The following RBFOX1 variants were observed in gnomAD, a reference collection of about 807,000 sequenced individuals.
RBFOX1 encodes RNA binding protein fox-1 homolog 1.
A neutral mutation model predicts 57.7 loss-of-function variants in RBFOX1; 8 were observed. The observed-to-expected ratio is 0.14, with a 90% CI of 0.08 to 0.25. The LOEUF (loss-of-function observed/expected upper bound fraction) is 0.25. Ranked by LOEUF, RBFOX1 falls within the 10% of genes least tolerant of loss-of-function variation. RBFOX1 has a pLI of 1.00. For synonymous variants in RBFOX1, 326 were observed against 222.4 expected, an observed-to-expected ratio of 1.47 and a Z score of -4.15; for missense variants, 611 against 548.5, an observed-to-expected ratio of 1.11 and a Z score of -1.14.
intron 4 of RBFOX1, among the ~76,000 whole-genome samples, chr16:7,458,141 A>C (rs6500970): frequency 1 from 152,290 of 152,290 alleles, 76,145 homozygotes; most frequent in Non-Finnish European, 1. Flanking sequence ...CTCACTGGAC[A>C]TTTTCTCATG....
chr16:6,894,162 C>T (rs1000609800), intron 3 of RBFOX1, among the ~76,000 whole-genome samples: 2 of 152,202 alleles, frequency 1.3e-5, no homozygotes, highest in African/African-American at 2.4e-5. Flanking sequence ...TGCTACCTAT[C>T]TCTTGTCTGT....
intron 3 of RBFOX1, among the ~76,000 whole-genome samples, chr16:5,680,721 T>G (rs1040386176): frequency 2.6e-5 from 4 of 152,202 alleles, no homozygotes; most frequent in Non-Finnish European, 5.9e-5. Flanking sequence ...GCAAAGGCAC[T>G]AAAAACATCT....
intron 7 of RBFOX1, among the ~76,000 whole-genome samples, chr16:7,592,910 C>G (rs374871825): frequency 6.6e-6 from 1 of 151,626 alleles, no homozygotes; most frequent in East Asian, 1.9e-4. Context: ...CTCCTGGGCT[C>G]AAGCAATGAA....
intron 3 of RBFOX1, among the ~76,000 whole-genome samples, chr16:6,970,866 C>T (rs573221106): frequency 4.6e-5 from 7 of 152,144 alleles, no homozygotes; most frequent in Non-Finnish European, 7.3e-5. Context: ...GAAGGCTGTG[C>T]TAGTAAGAGA....
chr16:5,314,505 A>AT (rs1217659267), intron 1 of RBFOX1, among the ~76,000 whole-genome samples: 5 of 151,812 alleles, frequency 3.3e-5, no homozygotes, highest in African/African-American at 4.8e-5. Flanking sequence ...TTATTTACTC[A>AT]TTTTTTCTTT....
At chr16:5,510,154 CCT>C (rs1424382494) in intron 2 of RBFOX1, among the ~76,000 whole-genome samples, 2 of 152,332 alleles carry the variant, frequency 1.3e-5, no homozygotes, top group African/African-American at 4.8e-5. Context: ...GGTTATTTAA[CCT>C]CTCTGTGCCT....
intron 3 of RBFOX1, among the ~76,000 whole-genome samples, chr16:6,730,382 C>T (rs11646076): frequency 3.4e-5 from 5 of 149,196 alleles, no homozygotes; most frequent in Admixed American, 6.7e-5. Flanking sequence ...ATCTCTCTCT[C>T]TCTGTCTCTA....
chr16:7,012,836 G>A (rs144157996), intron 3 of RBFOX1, among the ~76,000 whole-genome samples: 16 of 152,252 alleles, frequency 1.1e-4, no homozygotes, highest in Admixed American at 3.9e-4. Context: ...ACAAAATGCC[G>A]TAGACTGGGT....
chr16:5,965,266 C>G (rs887425031), intron 4 of RBFOX1, among the ~76,000 whole-genome samples: 1 of 152,154 alleles, frequency 6.6e-6, no homozygotes, highest in African/African-American at 2.4e-5. Context: ...GTGGTGTATA[C>G]TTGAAATTTG....
At chr16:6,904,047 A>T (rs1199334366) in intron 3 of RBFOX1, among the ~76,000 whole-genome samples, 2 of 152,154 alleles carry the variant, frequency 1.3e-5, no homozygotes, top group Non-Finnish European at 1.5e-5. Context: ...TCATACAGAG[A>T]TAAGCTACCC....
At chr16:5,732,620 A>C (rs893107131) in intron 3 of RBFOX1, among the ~76,000 whole-genome samples, 1 of 152,190 alleles carries the variant, frequency 6.6e-6, no homozygotes, top group East Asian at 1.9e-4. Flanking sequence ...TGCACTTGTA[A>C]GGTAAAAAAT....
At chr16:6,600,021 C>G (rs2097831186) in intron 2 of RBFOX1, among the ~76,000 whole-genome samples, 1 of 152,184 alleles carries the variant, frequency 6.6e-6, no homozygotes, top group South Asian at 2.1e-4. Flanking sequence ...GCCCAGATAA[C>G]TGCAAAGGGC....
Position 5,660,975 on chromosome 16 carries a change from A to C in RBFOX1, c.318+62014A>C, listed in dbSNP as rs115531991. The stretch of plus-strand genomic sequence containing the variant: ...CCCAGAATGGCTTGATATAGGGTTG[A>C]GGAGGTAGCGCCATGTTAAATGAGT... On this transcript the variant is annotated intron_variant, in intron 3 of 19. Transcript: ENST00000641259. Among the ~76,000 whole-genome samples, 820 of 152,250 alleles carry C rather than the reference A, an allele frequency of 5.4e-3. 6 individuals carry two copies. The highest frequency in any genetic ancestry group is 0.019 in the African/African-American group (790 of 41,540).
At chr16:7,084,370 G>A (rs1248864800) in intron 4 of RBFOX1, among the ~76,000 whole-genome samples, 1 of 152,126 alleles carries the variant, frequency 6.6e-6, no homozygotes, top group Non-Finnish European at 1.5e-5. Context: ...ATAGAAAAAA[G>A]CATATTAATA....
At chr16:5,693,334 G>C (rs1354036326) in intron 3 of RBFOX1, among the ~76,000 whole-genome samples, 1 of 148,436 alleles carries the variant, frequency 6.7e-6, no homozygotes, top group Non-Finnish European at 1.5e-5. Context: ...TTTACAAATA[G>C]TATGACTATT....
intron 1 of RBFOX1, among the ~76,000 whole-genome samples, chr16:6,273,860 C>CA (rs1289449419): frequency 6.6e-6 from 1 of 151,720 alleles, no homozygotes; most frequent in Non-Finnish European, 1.5e-5. Context: ...AAAACTGAAC[C>CA]AAAAAAATCA....
At chr16:7,486,304 G>GTT (rs200993725) in intron 4 of RBFOX1, among the ~76,000 whole-genome samples, 12 of 150,524 alleles carry the variant, frequency 8.0e-5, no homozygotes, top group Admixed American at 2.0e-4. Flanking sequence ...GTTCATTTTT[G>GTT]TTTTTTTTGG....
At chr16:6,114,122 C>G (rs1281447836) in intron 1 of RBFOX1, among the ~76,000 whole-genome samples, 1 of 152,062 alleles carries the variant, frequency 6.6e-6, no homozygotes, top group Non-Finnish European at 1.5e-5. Context: ...CTCTCATATT[C>G]ACAAAGAAAA....
chr16:6,715,962 G>A (rs1045444067), intron 3 of RBFOX1, among the ~76,000 whole-genome samples: 12 of 152,030 alleles, frequency 7.9e-5, no homozygotes, highest in Non-Finnish European at 1.8e-4. Context: ...AGGATACGAC[G>A]CAATTGACCA....
Sources: gnomAD v4.1 joint callset for allele counts (sites outside exome capture counted in the v4.1 genomes callset) on GRCh38, gnomAD v4.1.1 for gene constraint, MANE v1.5 for transcripts, NCBI Gene and HGNC (gene_info 2026-07-23, HGNC 2026-07-21) for gene names.